The following FOXN2 variants were observed in gnomAD, a reference collection of about 807,000 sequenced individuals.
FOXN2 encodes forkhead box N2.
FOXN2 carries 19 observed loss-of-function variants against 41.2 expected under a neutral mutation model. The ratio of observed to expected loss-of-function variants is 0.46; its 90% CI spans 0.32 to 0.68. FOXN2 has a LOEUF of 0.68. FOXN2 is among the 30% of genes least tolerant of loss of function. The pLI is 0.03. For synonymous variants in FOXN2, 195 were observed against 176.8 expected (o/e 1.10, Z -0.82); for missense variants, 587 against 509.4 (o/e 1.15, Z -1.47).
chr2:48,332,425 A>T (rs1296038138), intron 2 of FOXN2, among the ~76,000 whole-genome samples: 2 of 152,208 alleles, frequency 1.3e-5, no homozygotes, highest in African/African-American at 2.4e-5. Flanking sequence ...TGCAGAGTGC[A>T]TGGGGACAAA....
At chr2:48,325,845 T>C (rs1669629712) in intron 1 of FOXN2, among the ~76,000 whole-genome samples, 2 of 82,150 alleles carry the variant, frequency 2.4e-5, no homozygotes, top group Middle Eastern at 9.1e-3. Context: ...TCAAGATTTC[T>C]TTTTTTTTTT....
At chr2:48,327,904 T>C (rs1180987604) in intron 1 of FOXN2, among the ~76,000 whole-genome samples, 3 of 152,206 alleles carry the variant, frequency 2.0e-5, no homozygotes, top group East Asian at 1.9e-4. Context: ...ATAAAATCAA[T>C]ATATTAAACC....
At chr2:48,316,062 A>G (rs1558604907) in intron 1 of FOXN2, among the ~76,000 whole-genome samples, 1 of 151,908 alleles carries the variant, frequency 6.6e-6, no homozygotes, top group Non-Finnish European at 1.5e-5. Flanking sequence ...CGCTAGCGGC[A>G]CTAGGGGCTG....
At chr2:48,358,963 A>G in intron 3 of FOXN2, 84 bp from the exon 4 acceptor site, 1 of 985,860 alleles carries the variant, frequency 1.0e-6, no homozygotes, top group Non-Finnish European at 1.5e-6. Flanking sequence ...GAGATTATTT[A>G]CCCCTGCACA....
At position 48,362,609 on chromosome 2, in the gene FOXN2, T is replaced by C. The variant is rs775867383; in HGVS notation, c.639-34T>C. On this transcript the variant is annotated intron_variant, in intron 4 of 6. Coordinates refer to ENST00000340553, the MANE Select transcript of FOXN2 (RefSeq NM_002158.4). ...GGGGAAAAAGTGAAGTAAACATTTTTATAAGCATATTTGCTTTTCTGTTTG... is the reference window on the plus strand; with the variant it reads ...GGGGAAAAAGTGAAGTAAACATTTTCATAAGCATATTTGCTTTTCTGTTTG... 3.8e-6 allele frequency: 6 copies of C among 1,585,732 alleles called. No individual in the cohort carries two copies. The East Asian group carries it at 8.9e-5, about 24-fold the overall frequency.
At chr2:48,351,257 C>T (rs549490403) in intron 3 of FOXN2, among the ~76,000 whole-genome samples, 22 of 151,576 alleles carry the variant, frequency 1.5e-4, no homozygotes, top group African/African-American at 4.8e-4. Flanking sequence ...CCACTGCACT[C>T]GGCCAAAGTT....
Position 48,375,169 on chromosome 2 carries a change from G to A in FOXN2, c.1022G>A (p.Ser341Asn), listed in dbSNP as rs1673167976. ...ATCCCAAAGAATAGTCACGTGGGAA[G>A]TGATGGCAGTGAAGGATTTCACAGT... ...EFIPKNSHVG[S>N]DGSEGFHSEE... The change falls in exon 7 of 7, where the codon AGT becomes AAT. Residue 341 changes from serine (S) to asparagine (N), a missense_variant. Physicochemically the swap from Ser to Asn is conservative, Grantham distance 46. Transcript: ENST00000340553. 6.2e-7 allele frequency: 1 copy of A among 1,614,060 alleles called. No homozygotes were observed. The highest frequency in any genetic ancestry group is 1.7e-5 in the Admixed American group (1 of 59,988).
chr2:48,355,686 A>G (rs1354040646), intron 3 of FOXN2, among the ~76,000 whole-genome samples: 1 of 152,128 alleles, frequency 6.6e-6, no homozygotes, highest in African/African-American at 2.4e-5. Flanking sequence ...CCTTGACAGC[A>G]CTTTTCTGAT....
intron 1 of FOXN2, among the ~76,000 whole-genome samples, chr2:48,326,046 T>C (rs1284646764): frequency 6.6e-6 from 1 of 152,046 alleles, no homozygotes; most frequent in African/African-American, 2.4e-5. Flanking sequence ...ATGGGGTTTT[T>C]GCCATATTGG....
chr2:48,327,164 C>G (rs2104173476), intron 1 of FOXN2, among the ~76,000 whole-genome samples: 1 of 151,982 alleles, frequency 6.6e-6, no homozygotes, highest in African/African-American at 2.4e-5. Context: ...ACAAATGTCT[C>G]AAATTCAACA....
chr2:48,374,810 A>T, intron 6 of FOXN2, 110 bp from the exon 7 acceptor site: 2 of 885,842 alleles, frequency 2.3e-6, no homozygotes, highest in Non-Finnish European at 3.5e-6. Context: ...TCTACAAAGC[A>T]TCATGAATCT....
At chr2:48,361,515 CT>C (rs1572763481) in intron 4 of FOXN2, among the ~76,000 whole-genome samples, 1 of 151,652 alleles carries the variant, frequency 6.6e-6, no homozygotes, top group South Asian at 2.1e-4. Flanking sequence ...TATATATAAC[CT>C]TTTGACTTTA....
rs1671094702 is a variant in FOXN2 at position 48,346,280 on chromosome 2, A to G, written c.66A>G (p.Ala22=). 1 of 1,614,076 alleles carries G rather than the reference A, an allele frequency of 6.2e-7. No homozygotes were observed. Among genetic ancestry groups the G allele is most frequent in the African/African-American group, 1.3e-5 (1 of 74,932 alleles). The change falls in exon 3 of 7, where the codon GCA becomes GCG. Residue 22 remains alanine, a synonymous_variant. Coordinates refer to ENST00000340553, the MANE Select transcript of FOXN2 (RefSeq NM_002158.4). ...RAETPGAEKI[A]GLSQIYKMGS... Reference sequence around the variant, plus strand: ...AAACCCCAGGAGCTGAAAAGATTGCAGGATTAAGCCAGATTTACAAAATGG... The same window carrying G: ...AAACCCCAGGAGCTGAAAAGATTGCGGGATTAAGCCAGATTTACAAAATGG...
intron 4 of FOXN2, among the ~76,000 whole-genome samples, chr2:48,362,004 C>T (rs1672219492): frequency 6.6e-6 from 1 of 152,076 alleles, no homozygotes; most frequent in African/African-American, 2.4e-5. Context: ...ATCTATAGTT[C>T]CAGGCATTTT....
intron 2 of FOXN2, among the ~76,000 whole-genome samples, chr2:48,342,176 A>G (rs77919859): frequency 0.079 from 12,021 of 152,164 alleles, 614 homozygotes; most frequent in Non-Finnish European, 0.12. Flanking sequence ...TCTTTTTTGT[A>G]TGTATTTTTT....
At chr2:48,373,490 G>C (rs921532725) in intron 6 of FOXN2, 130 bp downstream of exon 6, 5 of 560,728 alleles carry the variant, frequency 8.9e-6, no homozygotes, top group Non-Finnish European at 1.6e-5. Flanking sequence ...GAGTAACTCA[G>C]TTTCTGTTTT....
At position 48,337,210 on chromosome 2, in the gene FOXN2, G is replaced by A. The variant is rs536868875; in HGVS notation, c.-15+8508G>A. 1.1e-4 allele frequency among the ~76,000 whole-genome samples: 17 copies of A among 151,668 alleles called. No individual in the cohort carries two copies. The South Asian group carries it at 1.7e-3, about 15-fold the overall frequency. On this transcript the variant is annotated intron_variant, in intron 2 of 6. Coordinates refer to ENST00000340553, the MANE Select transcript of FOXN2 (RefSeq NM_002158.4). ...ATTCTATGAATAAGTGAGAACATGC[G>A]ACGTTTGTCTTTCTGTGTCTGGCTT...
intron 3 of FOXN2, among the ~76,000 whole-genome samples, chr2:48,355,704 G>A (rs919573407): frequency 2.0e-5 from 3 of 152,040 alleles, no homozygotes; most frequent in African/African-American, 7.2e-5. Flanking sequence ...GATGAATGGC[G>A]GTTATCTAGA....
intron 5 of FOXN2, among the ~76,000 whole-genome samples, chr2:48,366,079 G>GA (rs1672509545): frequency 6.6e-6 from 1 of 152,112 alleles, no homozygotes; most frequent in Non-Finnish European, 1.5e-5. Flanking sequence ...TACTTTGGCT[G>GA]GGCACAGTGG....
Sources: allele counts gnomAD v4.1 joint callset (sites outside exome capture counted in the v4.1 genomes callset), GRCh38; gene constraint gnomAD v4.1.1; transcripts MANE v1.5; gene names NCBI Gene and HGNC (gene_info 2026-07-23, HGNC 2026-07-21).